ARHGEF19: variants seen among roughly 807,000 people sequenced by gnomAD.
ARHGEF19 encodes Rho guanine nucleotide exchange factor (GEF) 19.
Under a neutral mutation model 87.6 loss-of-function variants are expected in ARHGEF19, and 92 were observed. The ratio of observed to expected loss-of-function variants is 1.05; its 90% CI spans 0.89 to 1.25. ARHGEF19 has a LOEUF of 1.25. Ranked by LOEUF, ARHGEF19 falls within the 50% of genes most tolerant of loss-of-function variation. The probability of loss-of-function intolerance (pLI) is 0.00; values close to 1 mark genes in which losing one functional copy is unlikely to be tolerated. For missense variants in ARHGEF19, 1,054 were observed against 1,051.8 expected (o/e 1.00, Z -0.03); for synonymous variants, 438 against 446.2 (o/e 0.98, Z 0.23).
rs2081057001 is a variant in ARHGEF19 at position 16,198,285 on chromosome 1, G to A, written c.*302C>T. 1 of 258,816 alleles carries A rather than the reference G, an allele frequency of 3.9e-6. No homozygotes were observed. The highest frequency in any genetic ancestry group is 5.2e-5 in the Admixed American group (1 of 19,098). 16.0% of individuals were successfully genotyped at this position (258,816 alleles called of 1,614,324 possible). Reference sequence around the variant, plus strand: ...TGCCAGAAGGACCAAGAGTCAGGCAGGATTGAGGACATAGAAAGGAGAGGG... The same window carrying A: ...TGCCAGAAGGACCAAGAGTCAGGCAAGATTGAGGACATAGAAAGGAGAGGG... On this transcript the variant is annotated 3_prime_UTR_variant, in exon 16 of 16. Coordinates refer to ENST00000270747, the MANE Select transcript of ARHGEF19 (RefSeq NM_153213.5). This position sits in a 1 kb window ranked among gnomAD's most constrained non-coding sequence, Gnocchi z 4.1.
chr1:16,206,086 G>C lies in ARHGEF19; in HGVS notation c.1299-3C>G. 2.5e-6 allele frequency: 4 copies of C among 1,577,412 alleles called. No homozygotes were observed. The highest frequency in any genetic ancestry group is 2.6e-6 in the Non-Finnish European group (3 of 1,161,082). Reference sequence around the variant, plus strand: ...GCTGCTCCAGGTCCTGCAGGAACCTGAGGAGTCAGAGCCAGGATGGAGACC... The same window carrying C: ...GCTGCTCCAGGTCCTGCAGGAACCTCAGGAGTCAGAGCCAGGATGGAGACC... On this transcript the variant is annotated splice_region_variant and splice_polypyrimidine_tract_variant and intron_variant, in intron 7 of 15. Transcript: ENST00000270747. The surrounding 1 kb of genome is among the most constrained non-coding windows in gnomAD (Gnocchi z 4.6).
At chr1:16,210,688 T>A (rs2081190193) in intron 1 of ARHGEF19, among the ~76,000 whole-genome samples, 1 of 152,120 alleles carries the variant, frequency 6.6e-6, no homozygotes, top group Admixed American at 6.5e-5. Flanking sequence ...ATGAAAACAG[T>A]TACAATCCAG....
At chr1:16,209,414 TA>T (rs2081177654) in intron 1 of ARHGEF19, among the ~76,000 whole-genome samples, 1 of 152,230 alleles carries the variant, frequency 6.6e-6, no homozygotes, top group Non-Finnish European at 1.5e-5. Context: ...CTGGCCGTTC[TA>T]GCTTTGAAAT....
intron 1 of ARHGEF19, among the ~76,000 whole-genome samples, chr1:16,211,592 C>T (rs573807717): frequency 1.5e-5 from 2 of 136,350 alleles, no homozygotes; most frequent in East Asian, 4.0e-4. Flanking sequence ...GGAGGCAGGT[C>T]CCTAGCAGGG....
chr1:16,209,130 G>C (rs1340850174), intron 1 of ARHGEF19, 47 bp from the exon 2 acceptor site: 2 of 1,356,864 alleles, frequency 1.5e-6, no homozygotes, highest in Non-Finnish European at 1.9e-6. Flanking sequence ...AGTGGGGCTG[G>C]CCAGTAAGCC....
chr1:16,199,305 G>A lies in ARHGEF19; in HGVS notation c.2147-51C>T, dbSNP rs762964824. The A allele has an allele frequency of 2.6e-6, 4 of 1,545,118 alleles. No individual in the cohort carries two copies. The African/African-American group carries it at 5.4e-5, about 21-fold the overall frequency. ...AGTCCCAAGGGCAGGATGGCAGGGG[G>A]AGGAGCATGGGTAGGGCAGGGAGGG... On this transcript the variant is annotated intron_variant, in intron 14 of 15. Coordinates refer to ENST00000270747, the MANE Select transcript of ARHGEF19 (RefSeq NM_153213.5).
At chr1:16,200,743 C>CA (rs34127909) in intron 14 of ARHGEF19, among the ~76,000 whole-genome samples, 40,021 of 142,542 alleles carry the variant, frequency 0.28, 5,531 homozygotes, top group South Asian at 0.4. Flanking sequence ...GACTCTGTCT[C>CA]AAAAAAAAAA....
At position 16,204,742 on chromosome 1, in the gene ARHGEF19, T is replaced by G; in HGVS notation, c.1907+17A>C. 6.4e-7 allele frequency: 1 copy of G among 1,565,530 alleles called. No individual in the cohort carries two copies. On this transcript the variant is annotated intron_variant, in intron 12 of 15. Transcript: ENST00000270747. The stretch of plus-strand genomic sequence containing the variant: ...TGGCTCCACTTTACCTACCCACCCC[T>G]GACTGCCCCGACTCACTCCTTCCGC...
In ARHGEF19 at chr1:16,207,470, A is replaced by G; in HGVS notation, c.874+52T>C. 6.2e-7 allele frequency: 1 copy of G among 1,601,408 alleles called. No homozygotes were observed. The highest frequency in any genetic ancestry group is 8.5e-7 in the Non-Finnish European group (1 of 1,170,768). ...CAAACCCTCTTTTCCCCGTTTCCAC[A>G]CCGCAGCCCCTTCCTCCGTTACCTC... On this transcript the variant is annotated intron_variant, in intron 5 of 15. Coordinates refer to ENST00000270747, the MANE Select transcript of ARHGEF19 (RefSeq NM_153213.5). The surrounding 1 kb of genome is among the most constrained non-coding windows in gnomAD (Gnocchi z 4.0).
At chr1:16,203,524 CA>C (rs1404579593) in intron 12 of ARHGEF19, among the ~76,000 whole-genome samples, 1 of 152,144 alleles carries the variant, frequency 6.6e-6, no homozygotes, top group African/African-American at 2.4e-5. Context: ...TGGCCAGGAG[CA>C]AAATATCATC....
In ARHGEF19 at chr1:16,207,195, T is replaced by A; in HGVS notation, c.890A>T (p.Glu297Val). Reference sequence around the variant, plus strand: ...GCGGGCGCTGGCCACGTCGCTGTATTCCTGATAGAGGACGGCTGGGGGAAA... The same window carrying A: ...GCGGGCGCTGGCCACGTCGCTGTATACCTGATAGAGGACGGCTGGGGGAAA... The part of the protein sequence containing the change: ...RFLLNSVLYQ[E>V]YSDVASAREL... The change falls in exon 6 of 16, where the codon GAA (glutamate) becomes GTA (valine). Residue 297 changes from glutamate to valine, a missense_variant. By Grantham distance (121) the Glu-to-Val change is moderately radical. Coordinates refer to ENST00000270747, the MANE Select transcript of ARHGEF19 (RefSeq NM_153213.5). This position sits in a 1 kb window ranked among gnomAD's most constrained non-coding sequence, Gnocchi z 4.0. 6.5e-7 allele frequency: 1 copy of A among 1,532,562 alleles called. No individual in the cohort carries two copies. The allele number at this position is 1,532,562 out of a possible 1,614,324, so 94.9% of individuals were successfully genotyped here.
chr1:16,209,043 C>T lies in ARHGEF19; in HGVS notation c.12G>A (p.Gly4=). The T allele has an allele frequency of 6.7e-7, 1 of 1,487,758 alleles. No individual in the cohort carries two copies. The highest frequency in any genetic ancestry group is 8.9e-7 in the Non-Finnish European group (1 of 1,120,426). 92.2% of individuals were successfully genotyped at this position (1,487,758 alleles called of 1,614,324 possible). The stretch of plus-strand genomic sequence containing the variant: ...GGTGGGGCTGGAGGGTAGCAGGTGG[C>T]CCACAGTCCATTCCTCTTTTGCTCT... The part of the protein sequence containing the change: MDC[G]PPATLQPHLT... The change falls in exon 2 of 16, where the codon GGG becomes GGA. Residue 4 remains glycine (G), a synonymous_variant. Transcript: ENST00000270747.
In ARHGEF19 at chr1:16,202,492, G is replaced by A; in HGVS notation, c.1990C>T (p.Pro664Ser). Residue 664 changes from proline (P) to serine (S), a missense_variant, in exon 13 of 16, where the codon CCC (proline) becomes TCC (serine). By Grantham distance (74) the Pro-to-Ser change is moderately conservative. Transcript: ENST00000270747. ...RDLSLKLQGI[P>S]GHVFLLQLLH... Reference sequence around the variant, plus strand: ...AGCTGGAGGAGGAACACGTGGCCGGGGATGCCCTGCAGCTTCAGGCTCAGG... The same window carrying A: ...AGCTGGAGGAGGAACACGTGGCCGGAGATGCCCTGCAGCTTCAGGCTCAGG... The A allele has an allele frequency of 6.2e-7, 1 of 1,614,194 alleles. No homozygotes were observed. Among genetic ancestry groups the A allele is most frequent in the South Asian group, 1.1e-5 (1 of 91,088 alleles).
At chr1:16,208,559 G>T in intron 2 of ARHGEF19, 84 bp downstream of exon 2, 2 of 1,453,954 alleles carry the variant, frequency 1.4e-6, no homozygotes, top group Non-Finnish European at 1.8e-6. Context: ...GGGAACCTTG[G>T]GACATAAAGG....
At chr1:16,209,204 A>C in intron 1 of ARHGEF19, 121 bp from the exon 2 acceptor site, 2 of 589,010 alleles carry the variant, frequency 3.4e-6, no homozygotes, top group Non-Finnish European at 5.1e-6. Flanking sequence ...CCACAAACAC[A>C]CTCACATGTC....
chr1:16,209,783 T>G (rs535683839), intron 1 of ARHGEF19, among the ~76,000 whole-genome samples: 1 of 152,036 alleles, frequency 6.6e-6, no homozygotes, highest in Admixed American at 6.5e-5. Flanking sequence ...TCTCCCCCCA[T>G]CTCCCCGACC....
At chr1:16,200,488 A>C (rs1041161293) in intron 14 of ARHGEF19, among the ~76,000 whole-genome samples, 1 of 152,200 alleles carries the variant, frequency 6.6e-6, no homozygotes, top group Non-Finnish European at 1.5e-5. Flanking sequence ...CACACCTGTA[A>C]TCCCAGCACT....
intron 1 of ARHGEF19, among the ~76,000 whole-genome samples, chr1:16,211,518 A>G (rs1173927287): frequency 6.6e-6 from 1 of 152,240 alleles, no homozygotes; most frequent in Non-Finnish European, 1.5e-5. Flanking sequence ...TTAAGGCTGC[A>G]GAGGAGAAGG....
rs60333867 is a variant in ARHGEF19, at chr1:16,206,577, C to G, written c.1138-237G>C. 1.9e-6 allele frequency: 1 copy of G among 536,996 alleles called. No homozygotes were observed. The highest frequency in any genetic ancestry group is 3.3e-6 in the Non-Finnish European group (1 of 303,288). 33.3% of individuals were successfully genotyped at this position (536,996 alleles called of 1,614,324 possible). On this transcript the variant is annotated intron_variant, in intron 6 of 15. Transcript: ENST00000270747. This position sits in a 1 kb window ranked among gnomAD's most constrained non-coding sequence, Gnocchi z 4.6. ...AAGCCCCGCCCCGACGCGTTCTTCC[C>G]AGAGCCCCGCCCACCCCCCAGGTCC...
Sources: gnomAD v4.1 joint callset for allele counts (sites outside exome capture counted in the v4.1 genomes callset) on GRCh38, gnomAD v4.1.1 for gene constraint, Gnocchi (gnomAD v3.1) non-coding constraint, MANE v1.5 for transcripts, NCBI Gene and HGNC (gene_info 2026-07-23, HGNC 2026-07-21) for gene names.